The following PHF21A variants were observed in gnomAD, a reference collection of about 807,000 sequenced individuals.
PHF21A encodes PHD finger protein 21A, also known as BHC80a.
In PHF21A, 11 loss-of-function variants were observed where a neutral mutation model predicts 82.5. The observed-to-expected ratio is 0.13, with a 90% CI of 0.08 to 0.22. The LOEUF (loss-of-function observed/expected upper bound fraction) is 0.22. Among genes scored for constraint, PHF21A ranks in the 10% least tolerant of loss-of-function variants. The pLI is 1.00. For missense variants in PHF21A, 579 were observed against 837.8 expected (o/e 0.69, Z 3.81); for synonymous variants, 297 against 302.8 (o/e 0.98, Z 0.20).
At chr11:45,979,377 G>C (rs1318284945) in intron 7 of PHF21A, among the ~76,000 whole-genome samples, 1 of 152,132 alleles carries the variant, frequency 6.6e-6, no homozygotes, top group Non-Finnish European at 1.5e-5. Context: ...TCCTGGAATA[G>C]CTCTATGCCT....
intron 7 of PHF21A, among the ~76,000 whole-genome samples, chr11:45,974,913 A>G (rs2093953795): frequency 6.6e-6 from 1 of 152,206 alleles, no homozygotes; most frequent in Non-Finnish European, 1.5e-5. Context: ...TTAATGCAGA[A>G]ATACATGGCA....
chr11:46,096,819 T>C (rs924199803), intron 1 of PHF21A, among the ~76,000 whole-genome samples: 21 of 152,268 alleles, frequency 1.4e-4, no homozygotes, highest in South Asian at 6.2e-4. Flanking sequence ...TCCAAACTCA[T>C]ATACCCAACT....
chr11:45,953,231 C>T (rs181670164), intron 11 of PHF21A, among the ~76,000 whole-genome samples: 1 of 152,286 alleles, frequency 6.6e-6, no homozygotes, highest in African/African-American at 2.4e-5. Context: ...GGAAAATCAT[C>T]GCTCATCTTA....
In PHF21A at chr11:46,107,994, G is replaced by C. The variant is rs532336930; in HGVS notation, c.-237+12941C>G. ...GAAGACCAGGACTAATTCCTATGTA[G>C]GGTATCTTTACGCTGATTAAGCAGT... is the stretch of plus-strand genomic sequence containing the variant. On this transcript the variant is annotated intron_variant, in intron 1 of 18. Transcript: ENST00000676320. 3.9e-5 allele frequency among the ~76,000 whole-genome samples: 6 copies of C among 152,212 alleles called. No individual in the cohort carries two copies. In the South Asian group the frequency reaches 1.2e-3, roughly 32 times the overall value.
intron 14 of PHF21A, among the ~76,000 whole-genome samples, chr11:45,947,810 G>C (rs1235171226): frequency 6.6e-6 from 1 of 152,074 alleles, no homozygotes. Flanking sequence ...AAATAACTTA[G>C]AGTACTGGTT....
intron 6 of PHF21A, among the ~76,000 whole-genome samples, chr11:45,983,615 G>A (rs1296818944): frequency 1.3e-5 from 2 of 152,220 alleles, no homozygotes; most frequent in Admixed American, 1.3e-4. Flanking sequence ...CAGCAGAGGT[G>A]CTCCTTAGGT....
In PHF21A at chr11:46,079,121, A is replaced by T. The variant is rs749761719; in HGVS notation, c.87+13T>A. 1 of 1,506,984 alleles carries T rather than the reference A, an allele frequency of 6.6e-7. No individual in the cohort carries two copies. The highest frequency in any genetic ancestry group is 1.4e-5 in the African/African-American group (1 of 72,258). The allele number at this position is 1,506,984 out of a possible 1,614,324, so 93.4% of individuals were successfully genotyped here. A position where few individuals can be genotyped will look rare whatever the true frequency, so the allele number is the denominator to read the frequency against. ...AAATTTAACAATTAAATGAATAACAATAGTAGTTTTACCTGTGGATCCTGC... is the reference window on the plus strand; with the variant it reads ...AAATTTAACAATTAAATGAATAACATTAGTAGTTTTACCTGTGGATCCTGC... On this transcript the variant is annotated intron_variant, in intron 5 of 18. Coordinates refer to ENST00000676320, the MANE Select transcript of PHF21A (RefSeq NM_001352027.3).
chr11:45,955,203 G>A (rs760331775), intron 10 of PHF21A, among the ~76,000 whole-genome samples: 7 of 152,068 alleles, frequency 4.6e-5, no homozygotes, highest in African/African-American at 1.7e-4. Context: ...CATGCAGAGC[G>A]GGTGTATAGT....
At chr11:46,024,424 T>TTA (rs1334403088) in intron 6 of PHF21A, among the ~76,000 whole-genome samples, 41 of 152,228 alleles carry the variant, frequency 2.7e-4, no homozygotes, top group African/African-American at 8.9e-4. Context: ...AATTGCTTTT[T>TTA]ATGTAATATT....
chr11:45,974,408 T>C (rs2093923116), intron 7 of PHF21A, among the ~76,000 whole-genome samples: 3 of 137,766 alleles, frequency 2.2e-5, no homozygotes, highest in Non-Finnish European at 4.6e-5. Flanking sequence ...AAGAAAGGTG[T>C]CAAACGACAA....
At chr11:45,987,484 A>G (rs2094533634) in intron 6 of PHF21A, among the ~76,000 whole-genome samples, 1 of 151,356 alleles carries the variant, frequency 6.6e-6, no homozygotes, top group South Asian at 2.1e-4. Context: ...ATATGGTGAA[A>G]CTCCGTCTCT....
intron 10 of PHF21A, among the ~76,000 whole-genome samples, chr11:45,965,000 T>TA (rs2093347589): frequency 6.6e-6 from 1 of 152,204 alleles, no homozygotes; most frequent in Non-Finnish European, 1.5e-5. Flanking sequence ...GTTTTCTGTT[T>TA]ACTACCTCAT....
intron 15 of PHF21A, among the ~76,000 whole-genome samples, chr11:45,939,154 T>C (rs2089832060): frequency 6.6e-6 from 1 of 152,150 alleles, no homozygotes; most frequent in Admixed American, 6.6e-5. Flanking sequence ...TTCTTAAAGT[T>C]TACAGGAGAG....
At chr11:46,032,248 T>C (rs2095879607) in intron 6 of PHF21A, among the ~76,000 whole-genome samples, 1 of 152,104 alleles carries the variant, frequency 6.6e-6, no homozygotes, top group African/African-American at 2.4e-5. Context: ...TTTCATTTAA[T>C]TTTTTTCAAG....
chr11:45,939,161 A>C (rs2089834020), intron 15 of PHF21A, among the ~76,000 whole-genome samples: 1 of 152,218 alleles, frequency 6.6e-6, no homozygotes, highest in South Asian at 2.1e-4. Flanking sequence ...AGTTTACAGG[A>C]GAGGTCTATA....
At chr11:46,007,068 CACTT>C (rs888121237) in intron 6 of PHF21A, among the ~76,000 whole-genome samples, 1 of 152,184 alleles carries the variant, frequency 6.6e-6, no homozygotes, top group African/African-American at 2.4e-5. Flanking sequence ...ATTACAAAAA[CACTT>C]AAATATAGAG....
chr11:45,934,430 G>A lies in PHF21A; in HGVS notation c.1789-205C>T. ...GCGGGTGGAGTGGGTAGGCTGGGGGGTCCCAGGTCCCAGAGGCAACAGAGG... is the reference window on the plus strand; with the variant it reads ...GCGGGTGGAGTGGGTAGGCTGGGGGATCCCAGGTCCCAGAGGCAACAGAGG... On this transcript the variant is annotated intron_variant, in intron 18 of 18. Coordinates refer to ENST00000676320, the MANE Select transcript of PHF21A (RefSeq NM_001352027.3). The A allele has an allele frequency of 5.5e-6, 3 of 548,924 alleles. No individual in the cohort carries two copies. The South Asian group carries it at 7.4e-5, about 14-fold the overall frequency. The allele number at this position is 548,924 out of a possible 1,614,324, so 34.0% of individuals were successfully genotyped here. A position where few individuals can be genotyped will look rare whatever the true frequency, so the allele number is the denominator to read the frequency against.
At chr11:45,971,703 G>C (rs2093756157) in intron 7 of PHF21A, among the ~76,000 whole-genome samples, 1 of 151,906 alleles carries the variant, frequency 6.6e-6, no homozygotes. Context: ...AATTCTTTTA[G>C]TTTTTCTAGT....
chr11:46,096,064 A>G (rs1008667852), intron 1 of PHF21A, among the ~76,000 whole-genome samples: 4 of 152,150 alleles, frequency 2.6e-5, no homozygotes, highest in African/African-American at 9.7e-5. Context: ...TAAGTTTGAA[A>G]TAAATTTAAA....
Sources: gnomAD v4.1 joint callset for allele counts (sites outside exome capture counted in the v4.1 genomes callset) on GRCh38, gnomAD v4.1.1 for gene constraint, MANE v1.5 for transcripts, NCBI Gene and HGNC (gene_info 2026-07-23, HGNC 2026-07-21) for gene names.